SCFD1: variants seen among roughly 807,000 people sequenced by gnomAD.
SCFD1 encodes sec1 family domain containing 1.
SCFD1 carries 37 observed loss-of-function variants against 103.2 expected under a neutral mutation model. The observed-to-expected ratio is 0.36, with a 90% CI of 0.28 to 0.47. The LOEUF is 0.47. SCFD1 is among the 20% of genes least tolerant of loss of function. The probability of loss-of-function intolerance (pLI) is 1.00; values close to 1 mark genes in which losing one functional copy is unlikely to be tolerated. For missense variants in SCFD1, 639 were observed against 761.2 expected, an observed-to-expected ratio of 0.84 and a Z score of 1.89; for synonymous variants, 264 against 245.0, an observed-to-expected ratio of 1.08 and a Z score of -0.73.
At chr14:30,724,543 G>A (rs559321305) in intron 23 of SCFD1, among the ~76,000 whole-genome samples, 4 of 152,158 alleles carry the variant, frequency 2.6e-5, no homozygotes, top group East Asian at 1.9e-4. Context: ...GTGAGCCACC[G>A]TATCTGGGCT....
Position 30,622,381 on chromosome 14 carries a change from A to G in SCFD1, c.43A>G (p.Ile15Val). 1 of 1,556,784 alleles carries G rather than the reference A, an allele frequency of 6.4e-7. No homozygotes were observed. The highest frequency in any genetic ancestry group is 8.7e-7 in the Non-Finnish European group (1 of 1,149,866). Residue 15 changes from isoleucine (I) to valine (V), a missense_variant, in exon 1 of 25, where the codon ATT becomes GTT. By Grantham distance (29) the Ile-to-Val change is conservative. Transcript: ENST00000458591. ...AGCGACAGCAGCAGCAGCAGCCAGT[A>G]TTCGGGAAAGGCAGACAGGTACTGA... ...AAATAAAAAS[I>V]RERQTVALKR...
intron 11 of SCFD1, 111 bp downstream of exon 11, chr14:30,670,506 A>G (rs908197198): frequency 6.3e-6 from 4 of 636,488 alleles, no homozygotes; most frequent in Admixed American, 3.4e-5. Context: ...CGTTCACCCA[A>G]TGAGTGGGGG....
At chr14:30,672,057 G>T (rs1228751031) in intron 11 of SCFD1, among the ~76,000 whole-genome samples, 1 of 151,486 alleles carries the variant, frequency 6.6e-6, no homozygotes, top group Non-Finnish European at 1.5e-5. Flanking sequence ...TTAGCATGGT[G>T]TTTGATGTAT....
Position 30,713,046 on chromosome 14 carries a change from G to T in SCFD1, c.1630-2878G>T, listed in dbSNP as rs778444477. ...CTAATATGTTAGCTGCTAAAATCCG[G>T]TTTTTTTAACCAGTAAAACTTGATT... On this transcript the variant is annotated intron_variant, in intron 19 of 24. Transcript: ENST00000458591. Among the ~76,000 whole-genome samples the T allele has an allele frequency of 5.3e-5, 8 of 151,920 alleles. No individual in the cohort carries two copies. In the South Asian group the frequency reaches 1.2e-3, roughly 24 times the overall value.
At chr14:30,716,186 G>A (rs956795857) in intron 20 of SCFD1, among the ~76,000 whole-genome samples, 4 of 152,068 alleles carry the variant, frequency 2.6e-5, no homozygotes, top group Non-Finnish European at 5.9e-5. Context: ...ACCCATTCTG[G>A]CCAGCTCTCA....
At chr14:30,646,530 G>T (rs1003152683) in intron 7 of SCFD1, among the ~76,000 whole-genome samples, 1 of 151,984 alleles carries the variant, frequency 6.6e-6, no homozygotes, top group Non-Finnish European at 1.5e-5. Context: ...TTAATATTCT[G>T]TTGAAGATTT....
chr14:30,722,148 C>T (rs1892692693), intron 22 of SCFD1, among the ~76,000 whole-genome samples: 1 of 152,108 alleles, frequency 6.6e-6, no homozygotes, highest in South Asian at 2.1e-4. Flanking sequence ...GAGAGTTTTA[C>T]ATGTGTGGAA....
chr14:30,640,683 G>GTT (rs138494963), intron 6 of SCFD1, among the ~76,000 whole-genome samples: 11 of 150,676 alleles, frequency 7.3e-5, no homozygotes, highest in African/African-American at 1.5e-4. Context: ...ATATTAAGTG[G>GTT]TTTTTTTTTA....
intron 19 of SCFD1, among the ~76,000 whole-genome samples, chr14:30,713,276 A>AT (rs1892023785): frequency 6.6e-6 from 1 of 152,216 alleles, no homozygotes; most frequent in Admixed American, 6.5e-5. Flanking sequence ...TGAAGCTTCC[A>AT]TTAATGTATG....
chr14:30,691,008 G>A (rs1890259430), intron 14 of SCFD1, among the ~76,000 whole-genome samples: 1 of 152,160 alleles, frequency 6.6e-6, no homozygotes, highest in Admixed American at 6.5e-5. Context: ...TGGAATTACA[G>A]AAGTTGCTTC....
chr14:30,726,556 TG>T (rs140353300), intron 23 of SCFD1, among the ~76,000 whole-genome samples: 11,842 of 152,250 alleles, frequency 0.078, 742 homozygotes, highest in African/African-American at 0.17. Context: ...ACCAAAATGT[TG>T]TAATTGACTG....
chr14:30,661,680 G>A (rs558016937), intron 10 of SCFD1, among the ~76,000 whole-genome samples: 2 of 152,112 alleles, frequency 1.3e-5, no homozygotes, highest in Non-Finnish European at 2.9e-5. Flanking sequence ...TGTCGTTAGA[G>A]GCATTATCAC....
chr14:30,727,520 A>G (rs888871672), intron 23 of SCFD1, among the ~76,000 whole-genome samples: 6 of 152,188 alleles, frequency 3.9e-5, no homozygotes, highest in East Asian at 1.9e-4. Flanking sequence ...CCTGCAACCC[A>G]TCTTAGACAG....
At chr14:30,714,083 C>CA (rs1365212472) in intron 19 of SCFD1, among the ~76,000 whole-genome samples, 2 of 151,600 alleles carry the variant, frequency 1.3e-5, no homozygotes, top group African/African-American at 2.4e-5. Context: ...CGCGGTGGCT[C>CA]ACGCCTGTAA....
Position 30,683,408 on chromosome 14 carries a change from G to A in SCFD1, c.1242+8343G>A, listed in dbSNP as rs546342043. 208 of 536,178 alleles carry A rather than the reference G, an allele frequency of 3.9e-4. 1 individual carries two copies. The Middle Eastern group carries it at 4.3e-3, about 11-fold the overall frequency. The allele number at this position is 536,178 out of a possible 1,614,324, so 33.2% of individuals were successfully genotyped here. ...CATATATTGTGGCAGCTGCTCCATG[G>A]ATGGCCCCTACCCATGTGAAAAGGT... is the stretch of plus-strand genomic sequence containing the variant. On this transcript the variant is annotated intron_variant, in intron 14 of 24. Transcript: ENST00000458591.
chr14:30,683,266 T>A (rs1399417143), intron 14 of SCFD1: 1 of 1,036,374 alleles, frequency 9.6e-7, no homozygotes, highest in Non-Finnish European at 1.4e-6. Flanking sequence ...CAGGCATATG[T>A]TACCCTGGGT....
At position 30,702,326 on chromosome 14, in the gene SCFD1, A is replaced by T; in HGVS notation, c.1441A>T (p.Thr481Ser). 6.2e-7 allele frequency: 1 copy of T among 1,602,458 alleles called. No homozygotes were observed. Among genetic ancestry groups the T allele is most frequent in the Non-Finnish European group, 8.5e-7 (1 of 1,174,422 alleles). Reference protein sequence around the residue: ...ADLEQYKKALTDAGCNLNPLQ... With the variant: ...ADLEQYKKALSDAGCNLNPLQ... ...TTTGGAGCAATATAAAAAAGCTTTA[A>T]CTGATGCAGGATGCAACCTTAATCC... The change falls in exon 17 of 25, where the codon ACT becomes TCT. Residue 481 changes from threonine (T) to serine (S), a missense_variant. Transcript: ENST00000458591.
chr14:30,691,085 C>G lies in SCFD1; in HGVS notation c.1243-3688C>G, dbSNP rs946230077. Among the ~76,000 whole-genome samples, 4 of 152,268 alleles carry G rather than the reference C, an allele frequency of 2.6e-5. No individual in the cohort carries two copies. The Middle Eastern group carries it at 0.01, about 388-fold the overall frequency. On this transcript the variant is annotated intron_variant, in intron 14 of 24. Transcript: ENST00000458591. Reference sequence around the variant, plus strand: ...TATAGAAGGAAGCCATAAAATCGTTCTTGAGGGTAGTGTAATTTTCCCTAT... The same window carrying G: ...TATAGAAGGAAGCCATAAAATCGTTGTTGAGGGTAGTGTAATTTTCCCTAT...
At chr14:30,702,595 T>A (rs1476089566) in intron 17 of SCFD1, among the ~76,000 whole-genome samples, 2 of 152,170 alleles carry the variant, frequency 1.3e-5, no homozygotes, top group Non-Finnish European at 2.9e-5. Context: ...TTATAGTTTC[T>A]TTACTGATAA....
Sources: allele counts gnomAD v4.1 joint callset (sites outside exome capture counted in the v4.1 genomes callset), GRCh38; gene constraint gnomAD v4.1.1; transcripts MANE v1.5; gene names NCBI Gene and HGNC (gene_info 2026-07-23, HGNC 2026-07-21).